ZNF740: variants seen among roughly 807,000 people sequenced by gnomAD.
ZNF740 encodes zinc finger protein 740.
Under a neutral mutation model 24.8 loss-of-function variants are expected in ZNF740, and 14 were observed. That is an observed-to-expected ratio of 0.56 (90% CI 0.37 to 0.88). The LOEUF is 0.88. Ranked by LOEUF, ZNF740 falls within the 40% of genes least tolerant of loss-of-function variation. The pLI, the probability that ZNF740 is intolerant of heterozygous loss-of-function variation, is 0.00. For synonymous variants in ZNF740, 69 were observed against 84.0 expected (o/e 0.82, Z 0.98); for missense variants, 201 against 247.9 (o/e 0.81, Z 1.27).
At position 53,193,168 on chromosome 12, in the gene ZNF740, A is replaced by T; in HGVS notation, c.*5578A>T. The T allele has an allele frequency of 6.2e-7, 1 of 1,613,008 alleles. No homozygotes were observed. Among genetic ancestry groups the T allele is most frequent in the Non-Finnish European group, 8.5e-7 (1 of 1,179,182 alleles). Reference sequence around the variant, plus strand: ...CGCAGAGGATGCCCTCATGTCGCTCACAGCTGGCATCGTCACACTCGCACA... The same window carrying T: ...CGCAGAGGATGCCCTCATGTCGCTCTCAGCTGGCATCGTCACACTCGCACA... On this transcript the variant is annotated 3_prime_UTR_variant, in exon 7 of 7. Transcript: ENST00000416904.
chr12:53,182,174 C>T, intron 2 of ZNF740, 182 bp downstream of exon 2: 1 of 798,138 alleles, frequency 1.3e-6, no homozygotes, highest in Admixed American at 2.9e-5. Flanking sequence ...CAGGGAGCTT[C>T]CAGTCAAATG....
chr12:53,194,400 C>A lies in ZNF740; in HGVS notation c.*6810C>A. 1 of 1,563,532 alleles carries A rather than the reference C, an allele frequency of 6.4e-7. No homozygotes were observed. Among genetic ancestry groups the A allele is most frequent in the Non-Finnish European group, 8.8e-7 (1 of 1,142,626 alleles). On this transcript the variant is annotated 3_prime_UTR_variant, in exon 7 of 7. Coordinates refer to ENST00000416904, the MANE Select transcript of ZNF740 (RefSeq NM_001004304.4). ...TGAAGGCAGAAAAGGACTCCAACCC[C>A]ACCTTATGTCCTCTCCAGGTGTTCC...
rs758335267 is a variant in ZNF740 at position 53,187,573 on chromosome 12, G to A, written c.565G>A (p.Gly189Arg). The change falls in exon 7 of 7, where the codon GGG (glycine) becomes AGG (arginine). Residue 189 changes from glycine to arginine, a missense_variant. Transcript: ENST00000416904. ...AGGGTGCCAGTCCAAGACTTCCGAC[G>A]GGCAGTTTTCTCTATAGGCGCAAGG... The part of the protein sequence containing the change: ...CQGCQSKTSD[G>R]QFSL 29 of 1,613,930 alleles carry A rather than the reference G, an allele frequency of 1.8e-5. No individual in the cohort carries two copies. Among genetic ancestry groups the A allele is most frequent in the East Asian group, 4.5e-5 (2 of 44,886 alleles).
Position 53,193,584 on chromosome 12 carries a change from C to G in ZNF740, c.*5994C>G. The G allele has an allele frequency of 1.1e-6, 1 of 908,712 alleles. No individual in the cohort carries two copies. The highest frequency in any genetic ancestry group is 1.7e-6 in the Non-Finnish European group (1 of 605,304). 56.3% of individuals were successfully genotyped at this position (908,712 alleles called of 1,614,324 possible). On this transcript the variant is annotated 3_prime_UTR_variant, in exon 7 of 7. Transcript: ENST00000416904. ...ACATGGGAAGCTTCAAGGGATGAAA[C>G]TGAGTGGGGAGTCGGGATGTCGAGG...
At position 53,191,693 on chromosome 12, in the gene ZNF740, C is replaced by G. The variant is rs554153976; in HGVS notation, c.*4103C>G. 2 of 1,564,434 alleles carry G rather than the reference C, an allele frequency of 1.3e-6. No individual in the cohort carries two copies. Among genetic ancestry groups the G allele is most frequent in the Non-Finnish European group, 1.8e-6 (2 of 1,134,954 alleles). ...AATCCCAGGATTCCTCGTCCCCTTT[C>G]TAGACCTAAGAGGCCAGCCTTGAGC... On this transcript the variant is annotated 3_prime_UTR_variant, in exon 7 of 7. Transcript: ENST00000416904.
Position 53,194,155 on chromosome 12 carries a change from A to T in ZNF740, c.*6565A>T, listed in dbSNP as rs1189006520. The T allele has an allele frequency of 6.2e-7, 1 of 1,608,602 alleles. No individual in the cohort carries two copies. The highest frequency in any genetic ancestry group is 8.5e-7 in the Non-Finnish European group (1 of 1,177,422). On this transcript the variant is annotated 3_prime_UTR_variant, in exon 7 of 7. Coordinates refer to ENST00000416904, the MANE Select transcript of ZNF740 (RefSeq NM_001004304.4). ...CCTGCCTGCTTAATTTCCCACTCCC[A>T]CCTCCCCCTGCCCGCCTTCTGCCTG...
rs1286377313 is a variant in ZNF740, at chr12:53,189,726, G to T, written c.*2136G>T. 1 of 152,248 alleles carries T rather than the reference G, an allele frequency of 6.6e-6. No individual in the cohort carries two copies. Among genetic ancestry groups the T allele is most frequent in the Non-Finnish European group, 1.5e-5 (1 of 68,102 alleles). The allele number at this position is 152,248 out of a possible 1,614,324, so 9.4% of individuals were successfully genotyped here. ...CTGCATGTGAGCCAGCCCCCTTCCT[G>T]TTCAAGGGTTCTGCTGGATCTGGGC... On this transcript the variant is annotated 3_prime_UTR_variant, in exon 7 of 7. Coordinates refer to ENST00000416904, the MANE Select transcript of ZNF740 (RefSeq NM_001004304.4).
At chr12:53,187,437 A>G in intron 6 of ZNF740, 64 bp from the exon 7 acceptor site, 1 of 1,362,752 alleles carries the variant, frequency 7.3e-7, no homozygotes, top group Non-Finnish European at 1.0e-6. Context: ...TGTGAGAGGA[A>G]TGAGTTAGCC....
At position 53,191,565 on chromosome 12, in the gene ZNF740, G is replaced by T. The variant is rs2120380298; in HGVS notation, c.*3975G>T. ...AGTGTCCCTCCCTCCTTCAGAGAGT[G>T]GGACTGTCTGCCTCTTGAAAGCGAG... On this transcript the variant is annotated 3_prime_UTR_variant, in exon 7 of 7. Transcript: ENST00000416904. 2 of 1,610,902 alleles carry T rather than the reference G, an allele frequency of 1.2e-6. No individual in the cohort carries two copies. The highest frequency in any genetic ancestry group is 2.2e-5 in the South Asian group (2 of 90,998).
In ZNF740 at chr12:53,194,811, A is replaced by G; in HGVS notation, c.*7221A>G. 5.9e-6 allele frequency: 1 copy of G among 169,138 alleles called. No homozygotes were observed. The highest frequency in any genetic ancestry group is 5.5e-5 in the Admixed American group (1 of 18,242). 10.5% of individuals were successfully genotyped at this position (169,138 alleles called of 1,614,324 possible). A position where few individuals can be genotyped will look rare whatever the true frequency, so the allele number is the denominator to read the frequency against. On this transcript the variant is annotated 3_prime_UTR_variant, in exon 7 of 7. Transcript: ENST00000416904. The stretch of plus-strand genomic sequence containing the variant: ...TAGTTGCAGAGGTAAGACCTAAACC[A>G]CTAAGAATTTTTATGGTTCCTTCTA...
chr12:53,193,605 CG>C lies in ZNF740; in HGVS notation c.*6016del. 1 of 1,052,752 alleles carries C rather than the reference CG, an allele frequency of 9.5e-7. No homozygotes were observed. Among genetic ancestry groups the C allele is most frequent in the South Asian group, 1.7e-5 (1 of 60,224 alleles). The allele number at this position is 1,052,752 out of a possible 1,614,324, so 65.2% of individuals were successfully genotyped here. ...GAAACTGAGTGGGGAGTCGGGATGTCGAGGAGACTCCTGTGGGGGGGATGGA... is the reference window on the plus strand; with the variant it reads ...GAAACTGAGTGGGGAGTCGGGATGTCAGGAGACTCCTGTGGGGGGGATGGA... On this transcript the variant is annotated 3_prime_UTR_variant, in exon 7 of 7. Transcript: ENST00000416904.
chr12:53,181,469 G>T (rs1941630592), intron 1 of ZNF740: 4 of 985,302 alleles, frequency 4.1e-6, no homozygotes, highest in Admixed American at 6.1e-5. Context: ...CTCCATAGGA[G>T]GCCCCAATTA....
At position 53,194,205 on chromosome 12, in the gene ZNF740, T is replaced by C; in HGVS notation, c.*6615T>C. ...GTGCTTGCTGGCTCTCACCGTCTGG[T>C]TGATTCGGACGTGGTTGCACTGTCC... On this transcript the variant is annotated 3_prime_UTR_variant, in exon 7 of 7. Coordinates refer to ENST00000416904, the MANE Select transcript of ZNF740 (RefSeq NM_001004304.4). The C allele has an allele frequency of 6.2e-7, 1 of 1,614,112 alleles. No homozygotes were observed. The highest frequency in any genetic ancestry group is 1.1e-5 in the South Asian group (1 of 91,082).
intron 2 of ZNF740, among the ~76,000 whole-genome samples, chr12:53,184,481 C>T (rs545310308): frequency 6.6e-6 from 1 of 152,110 alleles, no homozygotes; most frequent in Non-Finnish European, 1.5e-5. Flanking sequence ...CCACTGCACT[C>T]GGCCCAGCTG....
At position 53,192,733 on chromosome 12, in the gene ZNF740, C is replaced by T. The variant is rs1406785034; in HGVS notation, c.*5143C>T. 3 of 1,614,220 alleles carry T rather than the reference C, an allele frequency of 1.9e-6. No individual in the cohort carries two copies. The highest frequency in any genetic ancestry group is 2.2e-5 in the South Asian group (2 of 91,090). ...TGTCTTGCAGCCTGGGCATTGGTCGCATAGAGCACCATAGTAGCCGTCCAA... is the reference window on the plus strand; with the variant it reads ...TGTCTTGCAGCCTGGGCATTGGTCGTATAGAGCACCATAGTAGCCGTCCAA... On this transcript the variant is annotated 3_prime_UTR_variant, in exon 7 of 7. Coordinates refer to ENST00000416904, the MANE Select transcript of ZNF740 (RefSeq NM_001004304.4).
chr12:53,191,542 T>C lies in ZNF740; in HGVS notation c.*3952T>C, dbSNP rs953152284. 6 of 1,595,254 alleles carry C rather than the reference T, an allele frequency of 3.8e-6. No individual in the cohort carries two copies. The African/African-American group carries it at 8.1e-5, about 21-fold the overall frequency. On this transcript the variant is annotated 3_prime_UTR_variant, in exon 7 of 7. Coordinates refer to ENST00000416904, the MANE Select transcript of ZNF740 (RefSeq NM_001004304.4). ...TCCAAGGAGAAGAGCCTTGGGTAAG[T>C]GTCCCTCCCTCCTTCAGAGAGTGGG... is the stretch of plus-strand genomic sequence containing the variant.
In ZNF740 at chr12:53,191,298, A is replaced by C. The variant is rs1273932911; in HGVS notation, c.*3708A>C. On this transcript the variant is annotated 3_prime_UTR_variant, in exon 7 of 7. Coordinates refer to ENST00000416904, the MANE Select transcript of ZNF740 (RefSeq NM_001004304.4). Reference sequence around the variant, plus strand: ...TAAACAGTCTGCTTTGGCCTTGATGAGGTAAAGCAAAGTGACAGCTGTGGT... The same window carrying C: ...TAAACAGTCTGCTTTGGCCTTGATGCGGTAAAGCAAAGTGACAGCTGTGGT... The C allele has an allele frequency of 1.2e-5, 6 of 494,976 alleles. No individual in the cohort carries two copies. In the Admixed American group the frequency reaches 1.6e-4, roughly 13 times the overall value. 30.7% of individuals were successfully genotyped at this position (494,976 alleles called of 1,614,324 possible).
Position 53,193,015 on chromosome 12 carries a change from C to T in ZNF740, c.*5425C>T. ...ATCCAATCTTTTTGAAGTATGCCAA[C>T]CACACCCTCTAACCCATACACCGGA... On this transcript the variant is annotated 3_prime_UTR_variant, in exon 7 of 7. Coordinates refer to ENST00000416904, the MANE Select transcript of ZNF740 (RefSeq NM_001004304.4). The T allele has an allele frequency of 7.3e-7, 1 of 1,367,068 alleles. No homozygotes were observed. The highest frequency in any genetic ancestry group is 1.0e-6 in the Non-Finnish European group (1 of 978,298). The allele number at this position is 1,367,068 out of a possible 1,614,324, so 84.7% of individuals were successfully genotyped here.
intron 5 of ZNF740, 41 bp from the exon 6 acceptor site, chr12:53,186,350 A>G (rs374192241): frequency 1.3e-6 from 2 of 1,514,358 alleles, no homozygotes; most frequent in Non-Finnish European, 1.8e-6. Context: ...TCCCTACTGT[A>G]CATACCTCCC....
Sources: gnomAD v4.1 joint callset for allele counts (sites outside exome capture counted in the v4.1 genomes callset) on GRCh38, gnomAD v4.1.1 for gene constraint, MANE v1.5 for transcripts, NCBI Gene and HGNC (gene_info 2026-07-23, HGNC 2026-07-21) for gene names.